The following RAB3GAP2 variants were observed in gnomAD, a reference collection of about 807,000 sequenced individuals.
RAB3GAP2 encodes the protein RAB3 GTPase activating non-catalytic protein subunit 2, also known as rab3 GTPase-activating protein non-catalytic subunit.
In RAB3GAP2, 87 loss-of-function variants were observed where a neutral mutation model predicts 185.3. That is an observed-to-expected ratio of 0.47 (90% CI 0.39 to 0.56). The LOEUF (loss-of-function observed/expected upper bound fraction) is 0.56. Ranked by LOEUF, RAB3GAP2 falls within the 20% of genes least tolerant of loss-of-function variation. RAB3GAP2 has a pLI of 0.00. For missense variants in RAB3GAP2, 1,492 were observed against 1,638.2 expected (o/e 0.91, Z 1.54); for synonymous variants, 554 against 576.1 (o/e 0.96, Z 0.55).
intron 1 of RAB3GAP2, among the ~76,000 whole-genome samples, chr1:220,244,313 C>CA (rs564285998): frequency 6.6e-4 from 101 of 152,016 alleles, no homozygotes; most frequent in African/African-American, 2.4e-3. Flanking sequence ...ACAACAGCCG[C>CA]AAAAAAATAA....
chr1:220,169,340 T>C (rs1394009810), intron 24 of RAB3GAP2, among the ~76,000 whole-genome samples: 2 of 152,190 alleles, frequency 1.3e-5, no homozygotes, highest in Non-Finnish European at 2.9e-5. Context: ...TCCTGCAAGA[T>C]ATAAGCACAG....
At chr1:220,229,774 C>T (rs573302813) in intron 2 of RAB3GAP2, among the ~76,000 whole-genome samples, 2 of 152,320 alleles carry the variant, frequency 1.3e-5, no homozygotes, top group South Asian at 4.1e-4. Flanking sequence ...GTAATAATAA[C>T]TGTCACACTG....
intron 1 of RAB3GAP2, among the ~76,000 whole-genome samples, chr1:220,271,433 G>A (rs375255923): frequency 4.6e-5 from 7 of 152,264 alleles, no homozygotes; most frequent in African/African-American, 1.7e-4. Context: ...AGCCTATATA[G>A]TATCTAATAA....
At chr1:220,243,130 G>A (rs551803290) in intron 1 of RAB3GAP2, among the ~76,000 whole-genome samples, 7 of 151,940 alleles carry the variant, frequency 4.6e-5, no homozygotes, top group Non-Finnish European at 8.8e-5. Flanking sequence ...CGAGGGGGGC[G>A]GATCACAAGG....
intron 13 of RAB3GAP2, 131 bp from the exon 14 acceptor site, chr1:220,191,415 A>G: frequency 1.5e-6 from 1 of 664,750 alleles, no homozygotes; most frequent in South Asian, 1.7e-5. Context: ...ATTTTTTATT[A>G]TGGAATATCT....
chr1:220,267,527 C>A, intron 1 of RAB3GAP2: 1 of 1,388,746 alleles, frequency 7.2e-7, no homozygotes, highest in Non-Finnish European at 1.0e-6. Flanking sequence ...TCAAGGTCTT[C>A]CAAAGCCCAT....
At chr1:220,230,276 AAAG>A (rs1287069336) in intron 2 of RAB3GAP2, among the ~76,000 whole-genome samples, 1 of 152,236 alleles carries the variant, frequency 6.6e-6, no homozygotes, top group Non-Finnish European at 1.5e-5. Context: ...AATGTGAAAC[AAAG>A]AAGGAGAAAT....
chr1:220,268,119 A>G (rs887263187), intron 1 of RAB3GAP2, among the ~76,000 whole-genome samples: 1 of 152,248 alleles, frequency 6.6e-6, no homozygotes, highest in African/African-American at 2.4e-5. Context: ...CTGCTTCCCA[A>G]TAAACATTTA....
At chr1:220,268,060 G>T (rs1660260081) in intron 1 of RAB3GAP2, 1 of 408,266 alleles carries the variant, frequency 2.4e-6, no homozygotes, top group Non-Finnish European at 4.4e-6. Context: ...GCTAGGTTAA[G>T]AAATTACAAC....
chr1:220,205,449 C>G (rs1658947041), intron 8 of RAB3GAP2, among the ~76,000 whole-genome samples: 1 of 152,054 alleles, frequency 6.6e-6, no homozygotes, highest in Non-Finnish European at 1.5e-5. Context: ...ACAGTCATAG[C>G]TTTATTCTCA....
intron 32 of RAB3GAP2, 188 bp from the exon 33 acceptor site, chr1:220,153,594 ATAT>A (rs751933206): frequency 1.1e-4 from 47 of 409,964 alleles, no homozygotes; most frequent in South Asian, 2.0e-4. Context: ...TCTTTTTTAA[ATAT>A]TATTATTATT....
At position 220,153,318 on chromosome 1, in the gene RAB3GAP2, G is replaced by C. The variant is rs1486548299; in HGVS notation, c.3734C>G (p.Pro1245Arg). The C allele has an allele frequency of 3.1e-6, 5 of 1,614,100 alleles. No homozygotes were observed. Among genetic ancestry groups the C allele is most frequent in the Non-Finnish European group, 4.2e-6 (5 of 1,180,028 alleles). ...TGGCCAATCTTGGTCTTTCCCAAAA[G>C]GAGTGGGTGTGGCCTCTTCTGTGGG... is the stretch of plus-strand genomic sequence containing the variant. Reference protein sequence around the residue: ...KDPTEEATPTPFGKDQDWPAL... With the variant: ...KDPTEEATPTRFGKDQDWPAL... Residue 1245 changes from proline to arginine, a missense_variant, in exon 33 of 35, where the codon CCT (proline) becomes CGT (arginine). Around this residue, in one of 5 missense-constraint regions of RAB3GAP2, gnomAD observed 387 missense variants for 455.3 expected, o/e 0.85. Coordinates refer to ENST00000358951, the MANE Select transcript of RAB3GAP2 (RefSeq NM_012414.4).
chr1:220,171,192 T>C, intron 23 of RAB3GAP2, 72 bp from the exon 24 acceptor site: 1 of 1,347,874 alleles, frequency 7.4e-7, no homozygotes, highest in Non-Finnish European at 1.1e-6. Flanking sequence ...AGCTTTTAAC[T>C]TGAAAGCTGA....
chr1:220,157,379 T>G lies in RAB3GAP2; in HGVS notation c.3446A>C (p.His1149Pro). 1 of 1,614,024 alleles carries G rather than the reference T, an allele frequency of 6.2e-7. No individual in the cohort carries two copies. The highest frequency in any genetic ancestry group is 1.1e-5 in the South Asian group (1 of 91,072). Residue 1149 changes from histidine to proline, a missense_variant, in exon 31 of 35, where the codon CAC becomes CCC. Coordinates refer to ENST00000358951, the MANE Select transcript of RAB3GAP2 (RefSeq NM_012414.4). ...GTGCTCCACCAGTGGGTAGTGGATG[T>G]GCTTCTGTTCAAGGGCCAGTTCCAC... is the stretch of plus-strand genomic sequence containing the variant. ...SIVELALEQKHIHYPLVEHHS... is the reference protein window; with the variant it reads ...SIVELALEQKPIHYPLVEHHS...
At position 220,151,720 on chromosome 1, in the gene RAB3GAP2, C is replaced by G; in HGVS notation, c.3912G>C (p.Leu1304=). ...CCAGCCTTTGCCCCGTGAGCACCAG[C>G]AGCTGAGAGGCAAGGACCTCTTTGT... is the stretch of plus-strand genomic sequence containing the variant. ...VHDKEVLASQ[L]LVLTGQRLAH... is the part of the protein sequence containing the mutation. The change falls in exon 34 of 35, where the codon CTG becomes CTC. Residue 1304 remains leucine, a synonymous_variant. Transcript: ENST00000358951. 1 of 1,612,118 alleles carries G rather than the reference C, an allele frequency of 6.2e-7. No homozygotes were observed.
intron 1 of RAB3GAP2, among the ~76,000 whole-genome samples, chr1:220,264,310 A>C (rs1378240059): frequency 6.6e-6 from 1 of 152,138 alleles, no homozygotes; most frequent in African/African-American, 2.4e-5. Flanking sequence ...ATATATCATA[A>C]ATCTTGATAA....
At chr1:220,225,277 C>A (rs1659382389) in intron 2 of RAB3GAP2, among the ~76,000 whole-genome samples, 1 of 152,108 alleles carries the variant, frequency 6.6e-6, no homozygotes, top group South Asian at 2.1e-4. Flanking sequence ...CAGCAAATCA[C>A]TTCACCAAAC....
chr1:220,151,687 C>A lies in RAB3GAP2; in HGVS notation c.3945G>T (p.Ala1315=). Residue 1315 remains alanine, a synonymous_variant, in exon 34 of 35, where the codon GCG becomes GCT. Coordinates refer to ENST00000358951, the MANE Select transcript of RAB3GAP2 (RefSeq NM_012414.4). ...LVLTGQRLAH[A]LLHTQTKEGM... ...CTTCTTTTGTCTGGGTGTGGAGAAG[C>A]GCATGAGCCAGCCTTTGCCCCGTGA... is the stretch of plus-strand genomic sequence containing the variant. The A allele has an allele frequency of 1.9e-6, 3 of 1,611,192 alleles. No homozygotes were observed. In the South Asian group the frequency reaches 3.3e-5, roughly 18 times the overall value.
At chr1:220,151,797 C>T (rs756667608) in intron 33 of RAB3GAP2, 33 bp from the exon 34 acceptor site, 2 of 1,558,852 alleles carry the variant, frequency 1.3e-6, no homozygotes, top group Non-Finnish European at 1.8e-6. Context: ...ATAATACAGT[C>T]AGAGTGAGCA....
Sources: allele counts gnomAD v4.1 joint callset (sites outside exome capture counted in the v4.1 genomes callset), GRCh38; gene constraint gnomAD v4.1.1; regional missense constraint gnomAD v4.1.1; transcripts MANE v1.5; gene names NCBI Gene and HGNC (gene_info 2026-07-23, HGNC 2026-07-21).